TEX264: variants seen among roughly 807,000 people sequenced by gnomAD.
TEX264 encodes the protein testis-expressed protein 264.
In TEX264, 13 loss-of-function variants were observed where a neutral mutation model predicts 23.4. The ratio of observed to expected loss-of-function variants is 0.56; its 90% CI spans 0.36 to 0.88. The LOEUF is 0.88. Among genes scored for constraint, TEX264 ranks in the 40% least tolerant of loss-of-function variants. The probability of loss-of-function intolerance (pLI) is 0.01; values close to 1 mark genes in which losing one functional copy is unlikely to be tolerated. For synonymous variants in TEX264, 159 were observed against 170.0 expected, an observed-to-expected ratio of 0.94 and a Z score of 0.50; for missense variants, 340 against 406.8, an observed-to-expected ratio of 0.84 and a Z score of 1.41.
intron 2 of TEX264, among the ~76,000 whole-genome samples, chr3:51,675,043 A>G (rs757489577): frequency 2.0e-4 from 31 of 152,254 alleles, no homozygotes; most frequent in Non-Finnish European, 4.0e-4. Flanking sequence ...GTCCCTGGGG[A>G]TGGGGCTTGG....
chr3:51,687,540 C>T (rs1014674921), intron 3 of TEX264, among the ~76,000 whole-genome samples: 2 of 152,202 alleles, frequency 1.3e-5, no homozygotes, highest in African/African-American at 4.8e-5. Context: ...ACTGTGTGTG[C>T]GTGCGCGTGT....
At position 51,699,532 on chromosome 3, in the gene TEX264, C is replaced by T. The variant is rs1412349346; in HGVS notation, c.607C>T (p.Arg203Trp). 9 of 1,613,810 alleles carry T rather than the reference C, an allele frequency of 5.6e-6. No individual in the cohort carries two copies. In the African/African-American group the frequency reaches 6.7e-5, roughly 12 times the overall value. ...PEMKETEWKW[R>W]GLVEAIDTQV... is the part of the protein sequence containing the mutation. The stretch of plus-strand genomic sequence containing the variant: ...GATGAAGGAGACAGAGTGGAAATGG[C>T]GGGGGCTTGTGGAGGCCATTGACAC... Residue 203 changes from arginine to tryptophan, a missense_variant, in exon 4 of 5, where the codon CGG (arginine) becomes TGG (tryptophan). Arg to Trp is a moderately radical substitution (Grantham distance 101). Coordinates refer to ENST00000341333, the MANE Select transcript of TEX264 (RefSeq NM_015926.6).
At chr3:51,690,864 G>C (rs1702805508) in intron 3 of TEX264, among the ~76,000 whole-genome samples, 1 of 152,176 alleles carries the variant, frequency 6.6e-6, no homozygotes, top group African/African-American at 2.4e-5. Context: ...AGGGAAGGAA[G>C]GTGCCCCAAG....
chr3:51,695,850 G>A (rs1055047130), intron 3 of TEX264, among the ~76,000 whole-genome samples: 1 of 152,200 alleles, frequency 6.6e-6, no homozygotes, highest in Non-Finnish European at 1.5e-5. Flanking sequence ...GGGTGGGGTG[G>A]TGGTGGGGAA....
rs1373760869 is a variant in TEX264 at position 51,686,726 on chromosome 3, G to C, written c.480+2092G>C. Among the ~76,000 whole-genome samples the C allele has an allele frequency of 2.0e-5, 3 of 152,166 alleles. No individual in the cohort carries two copies. Among genetic ancestry groups the C allele is most frequent in the Admixed American group, 2.0e-4 (3 of 15,286 alleles). ...CAGGAAGGAAGATACCAGTGCCCTAGGCCTGCTTAGTGTGCTGCCTCTGGG... is the reference window on the plus strand; with the variant it reads ...CAGGAAGGAAGATACCAGTGCCCTACGCCTGCTTAGTGTGCTGCCTCTGGG... On this transcript the variant is annotated intron_variant, in intron 3 of 4. Transcript: ENST00000341333. This position sits in a 1 kb window ranked among gnomAD's most constrained non-coding sequence, Gnocchi z 4.1.
At chr3:51,676,766 G>A (rs747670493) in intron 2 of TEX264, among the ~76,000 whole-genome samples, 2 of 152,216 alleles carry the variant, frequency 1.3e-5, no homozygotes, top group African/African-American at 2.4e-5. Context: ...CAACAAAGAT[G>A]GGTGGGAAAA....
chr3:51,694,140 CTTCT>C (rs1285934227), intron 3 of TEX264, among the ~76,000 whole-genome samples: 2 of 132,492 alleles, frequency 1.5e-5, no homozygotes, highest in Non-Finnish European at 3.2e-5. Context: ...TCCTTCCTTC[CTTCT>C]TTCCTTCTTT....
intron 2 of TEX264, among the ~76,000 whole-genome samples, chr3:51,676,794 T>C (rs1383603664): frequency 1.3e-5 from 2 of 152,204 alleles, no homozygotes; most frequent in Non-Finnish European, 2.9e-5. Flanking sequence ...TGCTAACATA[T>C]GCTGAGAGGT....
chr3:51,678,492 G>A (rs1482757764), intron 2 of TEX264, among the ~76,000 whole-genome samples: 4 of 152,234 alleles, frequency 2.6e-5, no homozygotes, highest in Non-Finnish European at 5.9e-5. Flanking sequence ...CAAGATGGGT[G>A]TGGCAGCTAG....
intron 2 of TEX264, among the ~76,000 whole-genome samples, chr3:51,676,672 C>T (rs781682862): frequency 1.3e-5 from 2 of 152,304 alleles, no homozygotes; most frequent in Non-Finnish European, 2.9e-5. Flanking sequence ...GATAAAATAC[C>T]TGCTTCATAG....
At chr3:51,677,531 G>C (rs576530446) in intron 2 of TEX264, among the ~76,000 whole-genome samples, 1 of 152,322 alleles carries the variant, frequency 6.6e-6, no homozygotes. Context: ...CAGTGAGGCT[G>C]TGTCAGGCTC....
intron 3 of TEX264, among the ~76,000 whole-genome samples, chr3:51,685,722 C>T (rs536295578): frequency 3.6e-4 from 55 of 152,334 alleles, no homozygotes; most frequent in Non-Finnish European, 5.9e-4. Context: ...CAGGGTGGGA[C>T]TGGACCACAG....
At chr3:51,678,600 G>A (rs1472527989) in intron 2 of TEX264, among the ~76,000 whole-genome samples, 1 of 152,214 alleles carries the variant, frequency 6.6e-6, no homozygotes, top group African/African-American at 2.4e-5. Context: ...TGGGGAACTG[G>A]TGGTACTTGC....
In TEX264 at chr3:51,704,038, C is replaced by T. The variant is rs779728338; in HGVS notation, c.*22C>T. 6.8e-7 allele frequency: 1 copy of T among 1,460,358 alleles called. No individual in the cohort carries two copies. Among genetic ancestry groups the T allele is most frequent in the South Asian group, 1.5e-5 (1 of 68,322 alleles). 90.5% of individuals were successfully genotyped at this position (1,460,358 alleles called of 1,614,324 possible). A position where few individuals can be genotyped will look rare whatever the true frequency, so the allele number is the denominator to read the frequency against. On this transcript the variant is annotated 3_prime_UTR_variant, in exon 5 of 5. Coordinates refer to ENST00000341333, the MANE Select transcript of TEX264 (RefSeq NM_015926.6). ...GTAACCCATGGCCTGCACCCTCCTG[C>T]AGTGCAGTTGCTGAGGAACTGAGCA...
intron 4 of TEX264, among the ~76,000 whole-genome samples, chr3:51,702,289 T>TA (rs1303670578): frequency 2.0e-5 from 3 of 152,156 alleles, no homozygotes; most frequent in Admixed American, 2.0e-4. Flanking sequence ...ACCCAAAACT[T>TA]AAAGCTCCCC....
At chr3:51,690,557 C>CAAAAAA (rs1301569354) in intron 3 of TEX264, among the ~76,000 whole-genome samples, 1 of 55,888 alleles carries the variant, frequency 1.8e-5, no homozygotes, top group Non-Finnish European at 3.8e-5. Flanking sequence ...GACTCCGTCT[C>CAAAAAA]AAAAAAAAAA....
intron 3 of TEX264, among the ~76,000 whole-genome samples, chr3:51,688,375 T>G (rs957015010): frequency 6.6e-6 from 1 of 152,192 alleles, no homozygotes; most frequent in Admixed American, 6.5e-5. Context: ...GGGATGGGCC[T>G]GGGAATTCGA....
chr3:51,700,012 CG>C (rs1329611665), intron 4 of TEX264, among the ~76,000 whole-genome samples: 2 of 152,106 alleles, frequency 1.3e-5, no homozygotes, highest in Non-Finnish European at 2.9e-5. Flanking sequence ...TCCCTCAGTA[CG>C]GGCCCCACCC....
intron 2 of TEX264, chr3:51,681,750 T>C (rs1236721851): frequency 1.3e-5 from 2 of 152,186 alleles, no homozygotes; most frequent in African/African-American, 4.8e-5. Context: ...AGACACTCAG[T>C]TGGTGCCTGC....
Sources: allele counts gnomAD v4.1 joint callset (sites outside exome capture counted in the v4.1 genomes callset), GRCh38; gene constraint gnomAD v4.1.1; non-coding constraint Gnocchi (gnomAD v3.1); transcripts MANE v1.5; gene names NCBI Gene and HGNC (gene_info 2026-07-23, HGNC 2026-07-21).